Variants in SPECC1 observed in about 807,000 individuals in gnomAD.
SPECC1 encodes sperm antigen with calponin homology and coiled-coil domains 1.
In SPECC1, 62 loss-of-function variants were observed where a neutral mutation model predicts 104.1. The ratio of observed to expected loss-of-function variants is 0.60; its 90% CI spans 0.49 to 0.74. SPECC1 has a LOEUF of 0.74. SPECC1 is among the 30% of genes least tolerant of loss of function. The pLI is 0.00. For synonymous variants in SPECC1, 513 were observed against 501.6 expected (o/e 1.02, Z -0.30); for missense variants, 1,306 against 1,310.5 (o/e 1.00, Z 0.05).
At chr17:20,113,705 C>A (rs1257029434) in intron 3 of SPECC1, among the ~76,000 whole-genome samples, 1 of 152,188 alleles carries the variant, frequency 6.6e-6, no homozygotes, top group African/African-American at 2.4e-5. Flanking sequence ...GAAGAACTTA[C>A]CTATCACTAC....
intron 1 of SPECC1, among the ~76,000 whole-genome samples, chr17:20,063,923 C>A (rs1162052417): frequency 6.6e-6 from 1 of 152,190 alleles, no homozygotes; most frequent in Non-Finnish European, 1.5e-5. Flanking sequence ...ATGAATAAAA[C>A]AATCACTTAG....
chr17:20,076,792 CTTGT>C (rs1204587634), intron 1 of SPECC1, among the ~76,000 whole-genome samples: 2 of 152,014 alleles, frequency 1.3e-5, no homozygotes, highest in African/African-American at 4.8e-5. Context: ...TGGGGGAGCA[CTTGT>C]TTAATTTCAT....
intron 7 of SPECC1, among the ~76,000 whole-genome samples, chr17:20,234,222 C>A (rs1239114374): frequency 2.6e-5 from 4 of 152,118 alleles, no homozygotes; most frequent in Non-Finnish European, 5.9e-5. Flanking sequence ...TGCAAACCTA[C>A]CTCCCAATCT....
intron 2 of SPECC1, among the ~76,000 whole-genome samples, chr17:20,099,511 C>CAA (rs56285234): frequency 1.2e-3 from 112 of 91,780 alleles, no homozygotes; most frequent in East Asian, 2.8e-3. Flanking sequence ...TGTCTTTACC[C>CAA]AAAAAAAAAA....
chr17:20,222,437 T>C (rs1199137535), intron 4 of SPECC1, among the ~76,000 whole-genome samples: 1 of 152,210 alleles, frequency 6.6e-6, no homozygotes, highest in Non-Finnish European at 1.5e-5. Context: ...AGCCATTAGA[T>C]GAAATGTTCT....
rs184892119 is a variant in SPECC1, at chr17:20,061,901, A to G, written c.-21-34730A>G. On this transcript the variant is annotated intron_variant, in intron 1 of 14. Coordinates refer to ENST00000395527, the MANE Select transcript of SPECC1 (RefSeq NM_001243439.2). ...TTTACACTTTGCTACTTACTTTTCT[A>G]TTTTTCCTTTTTCTTACCTATTATG... Among the ~76,000 whole-genome samples the G allele has an allele frequency of 2.0e-3, 303 of 151,714 alleles. 1 individual carries two copies. The highest frequency in any genetic ancestry group is 6.7e-3 in the African/African-American group (276 of 41,374).
chr17:20,045,398 G>T (rs7207702), intron 1 of SPECC1, among the ~76,000 whole-genome samples: 1 of 152,042 alleles, frequency 6.6e-6, no homozygotes, highest in Non-Finnish European at 1.5e-5. Flanking sequence ...TTTTGTGTGT[G>T]TATCTGCTGT....
intron 3 of SPECC1, among the ~76,000 whole-genome samples, chr17:20,194,367 G>A (rs2035864848): frequency 6.6e-6 from 1 of 152,052 alleles, no homozygotes. Flanking sequence ...GACAAGGTGT[G>A]AGGCCAGTTC....
At chr17:20,133,756 T>C (rs2049778454) in intron 3 of SPECC1, among the ~76,000 whole-genome samples, 1 of 152,212 alleles carries the variant, frequency 6.6e-6, no homozygotes, top group African/African-American at 2.4e-5. Context: ...TGTATTGTAT[T>C]CATCCTATCT....
chr17:20,231,967 T>C, intron 6 of SPECC1, 136 bp downstream of exon 6: 1 of 996,426 alleles, frequency 1.0e-6, no homozygotes, highest in African/African-American at 1.6e-5. Context: ...AAATTCTTGT[T>C]GGCAGGAAGT....
At chr17:20,234,893 C>T (rs771610996) in intron 7 of SPECC1, among the ~76,000 whole-genome samples, 12 of 152,244 alleles carry the variant, frequency 7.9e-5, no homozygotes, top group Non-Finnish European at 1.8e-4. Context: ...CCATGATCTT[C>T]GGTCCTGTTA....
intron 9 of SPECC1, among the ~76,000 whole-genome samples, chr17:20,249,856 A>T (rs1303524259): frequency 6.6e-6 from 1 of 152,202 alleles, no homozygotes; most frequent in Non-Finnish European, 1.5e-5. Context: ...GGAGTCCCCA[A>T]AAGGGGAGAA....
chr17:20,062,769 A>T (rs1597635260), intron 1 of SPECC1, among the ~76,000 whole-genome samples: 1 of 150,426 alleles, frequency 6.6e-6, no homozygotes, highest in Admixed American at 6.6e-5. Context: ...GCTCACTGCA[A>T]CCTCTGCCAC....
chr17:20,306,226 G>A, intron 14 of SPECC1, 144 bp downstream of exon 14: 2 of 638,738 alleles, frequency 3.1e-6, no homozygotes, highest in Non-Finnish European at 5.4e-6. Flanking sequence ...GAGTTATCCA[G>A]TTGATATAAT....
At chr17:20,190,152 A>G (rs1262464786) in intron 3 of SPECC1, among the ~76,000 whole-genome samples, 1 of 152,164 alleles carries the variant, frequency 6.6e-6, no homozygotes, top group South Asian at 2.1e-4. Flanking sequence ...ATTTGATAAC[A>G]GACTTAGTTC....
intron 1 of SPECC1, among the ~76,000 whole-genome samples, chr17:20,046,228 G>T (rs938143254): frequency 2.0e-5 from 3 of 152,056 alleles, no homozygotes; most frequent in African/African-American, 4.8e-5. Context: ...TTGCAGATTT[G>T]AGCCACAGTG....
chr17:20,277,231 C>A (rs1309060417), intron 12 of SPECC1, among the ~76,000 whole-genome samples: 2 of 152,130 alleles, frequency 1.3e-5, no homozygotes, highest in African/African-American at 2.4e-5. Context: ...CATGACTGAG[C>A]CTCACGGTAG....
At chr17:20,145,984 C>T (rs1338079291) in intron 3 of SPECC1, among the ~76,000 whole-genome samples, 3 of 152,184 alleles carry the variant, frequency 2.0e-5, no homozygotes, top group Non-Finnish European at 4.4e-5. Context: ...TATATACCCC[C>T]TCACCATCAC....
chr17:20,148,354 C>T (rs2031658615), intron 3 of SPECC1, among the ~76,000 whole-genome samples: 1 of 152,062 alleles, frequency 6.6e-6, no homozygotes, highest in Non-Finnish European at 1.5e-5. Flanking sequence ...GTTCTCCCAC[C>T]TCAGCCTCCC....
Sources: gnomAD v4.1 joint callset for allele counts (sites outside exome capture counted in the v4.1 genomes callset) on GRCh38, gnomAD v4.1.1 for gene constraint, MANE v1.5 for transcripts, NCBI Gene and HGNC (gene_info 2026-07-23, HGNC 2026-07-21) for gene names.